SGK1: variants seen among roughly 807,000 people sequenced by gnomAD.
SGK1 encodes the protein serum/glucocorticoid regulated kinase 1.
Under a neutral mutation model 64.2 loss-of-function variants are expected in SGK1, and 26 were observed. The observed-to-expected ratio is 0.40, with a 90% CI of 0.30 to 0.56. The LOEUF (loss-of-function observed/expected upper bound fraction) is 0.56, where lower values mean the gene tolerates loss of function less well. SGK1 is among the 20% of genes least tolerant of loss of function. The probability of loss-of-function intolerance (pLI) is 0.38; values close to 1 mark genes in which losing one functional copy is unlikely to be tolerated. For synonymous variants in SGK1, 265 were observed against 239.7 expected (o/e 1.11, Z -0.98); for missense variants, 519 against 645.6 (o/e 0.80, Z 2.12).
intron 1 of SGK1, among the ~76,000 whole-genome samples, chr6:134,301,058 A>T (rs1777446572): frequency 6.6e-6 from 1 of 152,256 alleles, no homozygotes; most frequent in East Asian, 1.9e-4. Context: ...TAGTAGTATC[A>T]TTTACTGAAA....
chr6:134,221,613 T>C (rs1776091372), intron 2 of SGK1, among the ~76,000 whole-genome samples: 4 of 152,322 alleles, frequency 2.6e-5, no homozygotes, highest in Admixed American at 2.0e-4. Flanking sequence ...TGATCTCTTG[T>C]AAATTTCATG....
chr6:134,248,135 C>T (rs887447892), intron 2 of SGK1, among the ~76,000 whole-genome samples: 3 of 152,014 alleles, frequency 2.0e-5, no homozygotes, highest in Non-Finnish European at 2.9e-5. Context: ...TCGTGTGTAT[C>T]ATGAGCCTTG....
intron 2 of SGK1, among the ~76,000 whole-genome samples, chr6:134,226,627 G>A (rs1776184944): frequency 6.6e-6 from 1 of 151,630 alleles, no homozygotes; most frequent in Non-Finnish European, 1.5e-5. Flanking sequence ...CTCGGAAGTT[G>A]AGGCTGCAGT....
chr6:134,278,029 G>A (rs1008697356), intron 1 of SGK1, among the ~76,000 whole-genome samples: 13 of 152,132 alleles, frequency 8.5e-5, no homozygotes, highest in African/African-American at 2.2e-4. Flanking sequence ...ACTTGAAGGC[G>A]CTTATCCGTA....
chr6:134,232,594 T>G (rs962593486), intron 2 of SGK1, among the ~76,000 whole-genome samples: 13 of 152,100 alleles, frequency 8.5e-5, no homozygotes, highest in African/African-American at 3.1e-4. Flanking sequence ...CTGACACCTG[T>G]AATCCCAGCA....
chr6:134,197,279 A>G (rs1426743735), intron 3 of SGK1, among the ~76,000 whole-genome samples: 1 of 152,076 alleles, frequency 6.6e-6, no homozygotes, highest in Non-Finnish European at 1.5e-5. Context: ...ATGTACAGGA[A>G]ATTATTTTGG....
At chr6:134,247,265 G>A (rs748095915) in intron 2 of SGK1, among the ~76,000 whole-genome samples, 4 of 152,128 alleles carry the variant, frequency 2.6e-5, no homozygotes, top group Non-Finnish European at 4.4e-5. Flanking sequence ...CAGAGCAGAG[G>A]GGGAAAATCC....
intron 2 of SGK1, among the ~76,000 whole-genome samples, chr6:134,216,289 A>T (rs1346577029): frequency 6.6e-6 from 1 of 152,200 alleles, no homozygotes; most frequent in African/African-American, 2.4e-5. Context: ...AGAAATTCTC[A>T]AAATGCTTGT....
At chr6:134,302,373 A>T (rs978628157) in intron 1 of SGK1, among the ~76,000 whole-genome samples, 1 of 152,246 alleles carries the variant, frequency 6.6e-6, no homozygotes, top group Non-Finnish European at 1.5e-5. Flanking sequence ...CTCCAGGGAC[A>T]ACTATCTATA....
At chr6:134,260,368 A>AGCCCCC (rs1776746382) in intron 2 of SGK1, 2 of 57,348 alleles carry the variant, frequency 3.5e-5, no homozygotes, top group Non-Finnish European at 3.7e-5. Context: ...CCTGTCCCCG[A>AGCCCCC]CCCCCACCCC....
At chr6:134,178,440 T>TG (rs1775281855) in intron 3 of SGK1, among the ~76,000 whole-genome samples, 1 of 152,122 alleles carries the variant, frequency 6.6e-6, no homozygotes, top group Non-Finnish European at 1.5e-5. Flanking sequence ...ACGGGGGAGC[T>TG]GTGTGTGACG....
intron 2 of SGK1, among the ~76,000 whole-genome samples, chr6:134,259,321 A>G (rs1242108992): frequency 6.6e-6 from 1 of 152,028 alleles, no homozygotes; most frequent in Non-Finnish European, 1.5e-5. Context: ...TCTAAGTCAT[A>G]AATAGTTCTT....
At chr6:134,217,310 C>T (rs995170112) in intron 2 of SGK1, among the ~76,000 whole-genome samples, 1 of 152,168 alleles carries the variant, frequency 6.6e-6, no homozygotes, top group Non-Finnish European at 1.5e-5. Flanking sequence ...AAGCTGTCCA[C>T]GAGCTCCAGC....
intron 11 of SGK1, 94 bp downstream of exon 11, chr6:134,171,543 G>T: frequency 1.2e-6 from 1 of 839,284 alleles, no homozygotes; most frequent in Non-Finnish European, 2.0e-6. Flanking sequence ...TAAGCGTACT[G>T]GTAAGGGCAA....
intron 9 of SGK1, 135 bp from the exon 10 acceptor site, chr6:134,172,451 C>G: frequency 1.1e-6 from 1 of 904,186 alleles, no homozygotes; most frequent in Non-Finnish European, 1.7e-6. Context: ...AAAAGGGAGC[C>G]CTTGTTCTGC....
intron 2 of SGK1, among the ~76,000 whole-genome samples, chr6:134,208,154 C>T (rs553256505): frequency 5.3e-5 from 8 of 152,058 alleles, no homozygotes; most frequent in Non-Finnish European, 1.0e-4. Flanking sequence ...TCAAATGATC[C>T]GCCCACCTCG....
intron 2 of SGK1, among the ~76,000 whole-genome samples, chr6:134,226,620 G>A (rs184840815): frequency 1.3e-3 from 197 of 151,778 alleles, no homozygotes; most frequent in African/African-American, 4.3e-3. Context: ...CCTAAGCCTC[G>A]GAAGTTGAGG....
chr6:134,220,809 C>A (rs1776078281), intron 2 of SGK1, among the ~76,000 whole-genome samples: 1 of 150,932 alleles, frequency 6.6e-6, no homozygotes, highest in South Asian at 2.1e-4. Flanking sequence ...TGGCAAAACG[C>A]CATCTCTACT....
intron 3 of SGK1, chr6:134,177,948 C>T (rs961354657): frequency 3.3e-6 from 3 of 918,784 alleles, no homozygotes; most frequent in Admixed American, 2.9e-5. Flanking sequence ...CTCCCCATTG[C>T]GACATCACTC....
Sources: allele counts gnomAD v4.1 joint callset (sites outside exome capture counted in the v4.1 genomes callset), GRCh38; gene constraint gnomAD v4.1.1; transcripts MANE v1.5; gene names NCBI Gene and HGNC (gene_info 2026-07-23, HGNC 2026-07-21).